SPMIP7: variants seen among roughly 807,000 people sequenced by gnomAD.
SPMIP7 encodes the protein sperm microtubule inner protein 7, also known as protein SPMIP7.
chr7:50,134,656 T>C, the SPMIP7 span, among the ~76,000 whole-genome samples: 1 of 152,188 alleles, frequency 6.6e-6, no homozygotes, highest in Non-Finnish European at 1.5e-5. Flanking sequence ...CTCTGTACTT[T>C]TCATGGCAAA....
the SPMIP7 span, among the ~76,000 whole-genome samples, chr7:50,145,624 A>ATATATATATATG: frequency 3.0e-5 from 2 of 66,692 alleles, no homozygotes; most frequent in African/African-American, 1.3e-4. Context: ...GTGTGTATAT[A>ATATATATATATG]TATATATATA....
At chr7:50,151,049 A>G in the SPMIP7 span, among the ~76,000 whole-genome samples, 1 of 152,252 alleles carries the variant, frequency 6.6e-6, no homozygotes, top group Admixed American at 6.5e-5. Context: ...GTAAGAGTGT[A>G]TATTCATTAA....
At chr7:50,142,395 G>A in the SPMIP7 span, 5 of 152,102 alleles carry the variant, frequency 3.3e-5, no homozygotes, top group African/African-American at 1.2e-4. Flanking sequence ...AATAAATTTG[G>A]GCATATAGCA....
At chr7:50,110,389 T>C in the SPMIP7 span, among the ~76,000 whole-genome samples, 10 of 148,328 alleles carry the variant, frequency 6.7e-5, 1 homozygote, top group Middle Eastern at 7.1e-3. Context: ...TATATTTATT[T>C]ATTACATATT....
the SPMIP7 span, chr7:50,151,706 G>T: frequency 3.4e-6 from 2 of 594,464 alleles, no homozygotes; most frequent in Non-Finnish European, 5.7e-6. Flanking sequence ...CAGAAAAAAA[G>T]ATAATTTTCC....
the SPMIP7 span, among the ~76,000 whole-genome samples, chr7:50,108,158 A>G: frequency 6.6e-6 from 1 of 152,220 alleles, no homozygotes; most frequent in African/African-American, 2.4e-5. Flanking sequence ...AGAGATTCCC[A>G]CTGAATCAGA....
At chr7:50,159,160 A>G in the SPMIP7 span, 1 of 1,551,540 alleles carries the variant, frequency 6.4e-7, no homozygotes, top group East Asian at 2.4e-5. Flanking sequence ...AAGAAACCAT[A>G]GACTACTAGA....
the SPMIP7 span, among the ~76,000 whole-genome samples, chr7:50,109,382 T>A: frequency 0.019 from 2,810 of 150,496 alleles, 70 homozygotes; most frequent in African/African-American, 0.06. Context: ...TTTATTTATT[T>A]ATTTATTTAT....
chr7:50,146,990 C>T, the SPMIP7 span, among the ~76,000 whole-genome samples: 1 of 152,226 alleles, frequency 6.6e-6, no homozygotes, highest in South Asian at 2.1e-4. Context: ...CAGTTGAGGT[C>T]TAAGTTCACA....
At chr7:50,106,347 C>A in the SPMIP7 span, among the ~76,000 whole-genome samples, 1 of 152,168 alleles carries the variant, frequency 6.6e-6, no homozygotes, top group African/African-American at 2.4e-5. Context: ...TTGATCCATA[C>A]AAGCCACCTA....
chr7:50,118,293 C>A, the SPMIP7 span, among the ~76,000 whole-genome samples: 1 of 152,140 alleles, frequency 6.6e-6, no homozygotes, highest in Non-Finnish European at 1.5e-5. Context: ...TTGCACTCCA[C>A]AAAGCTCTTC....
chr7:50,158,821 C>A, the SPMIP7 span, among the ~76,000 whole-genome samples: 1 of 152,108 alleles, frequency 6.6e-6, no homozygotes, highest in Non-Finnish European at 1.5e-5. Flanking sequence ...GGGCGGCTTT[C>A]TGCAGATCAC....
chr7:50,148,574 T>C, the SPMIP7 span, among the ~76,000 whole-genome samples: 1 of 152,234 alleles, frequency 6.6e-6, no homozygotes, highest in Admixed American at 6.5e-5. Context: ...ATGGAAGCTT[T>C]AATGAATGGT....
At chr7:50,138,300 T>G in the SPMIP7 span, among the ~76,000 whole-genome samples, 2 of 152,332 alleles carry the variant, frequency 1.3e-5, no homozygotes, top group Middle Eastern at 6.8e-3. Context: ...CTGTGAGTGC[T>G]GAGTCACAAT....
the SPMIP7 span, among the ~76,000 whole-genome samples, chr7:50,145,540 A>C: frequency 7.4e-6 from 1 of 134,256 alleles, no homozygotes; most frequent in African/African-American, 2.8e-5. Flanking sequence ...AACAGACTCT[A>C]TTGTAGATTA....
the SPMIP7 span, among the ~76,000 whole-genome samples, chr7:50,151,105 C>A: frequency 5.9e-5 from 9 of 152,200 alleles, no homozygotes; most frequent in Non-Finnish European, 1.2e-4. Context: ...ACAGGTCTGC[C>A]ACTCTGTCAA....
chr7:50,128,703 A>G, the SPMIP7 span, among the ~76,000 whole-genome samples: 1 of 152,018 alleles, frequency 6.6e-6, no homozygotes, highest in African/African-American at 2.4e-5. Context: ...AGAGACATGA[A>G]CCACAGAATG....
the SPMIP7 span, among the ~76,000 whole-genome samples, chr7:50,113,072 C>T: frequency 6.6e-6 from 1 of 151,966 alleles, no homozygotes; most frequent in Non-Finnish European, 1.5e-5. Context: ...GAATAAAAAA[C>T]TTTATAGTAC....
At chr7:50,112,357 A>AGTTAACCC in the SPMIP7 span, among the ~76,000 whole-genome samples, 1 of 152,108 alleles carries the variant, frequency 6.6e-6, no homozygotes, top group Non-Finnish European at 1.5e-5. Context: ...GCATGGTCAG[A>AGTTAACCC]ATTTTGGGCT....
Sources: gnomAD v4.1 joint callset for allele counts (sites outside exome capture counted in the v4.1 genomes callset) on GRCh38, gnomAD v4.1.1 for gene constraint, MANE v1.5 for transcripts, NCBI Gene and HGNC (gene_info 2026-07-23, HGNC 2026-07-21) for gene names.